Variants in UBA7 observed in about 807,000 individuals in gnomAD.
The protein encoded by UBA7 is ubiquitin-like modifier-activating enzyme 7.
A neutral mutation model predicts 113.0 loss-of-function variants in UBA7; 88 were observed. That is an observed-to-expected ratio of 0.78 (90% CI 0.66 to 0.93). UBA7 has a LOEUF of 0.93. Among genes scored for constraint, UBA7 ranks in the 40% least tolerant of loss-of-function variants. The pLI is 0.00. For synonymous variants in UBA7, 459 were observed against 513.0 expected, an observed-to-expected ratio of 0.89 and a Z score of 1.42; for missense variants, 1,092 against 1,266.4, an observed-to-expected ratio of 0.86 and a Z score of 2.09.
At chr3:49,808,544 T>C in intron 18 of UBA7, 76 bp from the exon 19 acceptor site, 2 of 1,496,614 alleles carry the variant, frequency 1.3e-6, no homozygotes, top group East Asian at 2.3e-5. Flanking sequence ...GTGCCTATTC[T>C]TGGTCTTTGC....
chr3:49,807,678 G>A lies in UBA7; in HGVS notation c.2715+58C>T, dbSNP rs1456196062. ...GGCAGCTAGATTGGGGCCTGTATGG[G>A]CAGGTGCAGGGGAAACCCAGGCCTA... On this transcript the variant is annotated intron_variant, in intron 21 of 23. Coordinates refer to ENST00000333486, the MANE Select transcript of UBA7 (RefSeq NM_003335.3). The surrounding 1 kb of genome is among the most constrained non-coding windows in gnomAD (Gnocchi z 4.0). 1 of 1,536,008 alleles carries A rather than the reference G, an allele frequency of 6.5e-7. No individual in the cohort carries two copies. Among genetic ancestry groups the A allele is most frequent in the African/African-American group, 1.4e-5 (1 of 72,752 alleles).
Position 49,813,277 on chromosome 3 carries a change from A to C in UBA7, c.332T>G (p.Ile111Ser). The C allele has an allele frequency of 6.2e-7, 1 of 1,614,128 alleles. No individual in the cohort carries two copies. The highest frequency in any genetic ancestry group is 8.5e-7 in the Non-Finnish European group (1 of 1,180,024). Reference protein sequence around the residue: ...AVQVVVHTGDITEDLLLDFQV... With the variant: ...AVQVVVHTGDSTEDLLLDFQV... ...GAAGTCCAACAGCAGGTCCTCAGTG[A>C]TGTCACCCGTGTGCACGACGACCTG... The change falls in exon 3 of 24, where the codon ATC becomes AGC. Residue 111 changes from isoleucine to serine, a missense_variant. By Grantham distance (142) the Ile-to-Ser change is moderately radical. Coordinates refer to ENST00000333486, the MANE Select transcript of UBA7 (RefSeq NM_003335.3).
rs548711530 is a variant in UBA7 at position 49,806,172 on chromosome 3, T to C, written c.2716-7A>G. The C allele has an allele frequency of 1.9e-6, 3 of 1,589,066 alleles. No individual in the cohort carries two copies. The highest frequency in any genetic ancestry group is 1.8e-5 in the Admixed American group (1 of 56,020). ...TCCACTTCAGGTGATGGAACTGGGA[T>C]GAGGTAGAGGAGGAGTCAGAGACTT... On this transcript the variant is annotated splice_region_variant and splice_polypyrimidine_tract_variant and intron_variant, in intron 21 of 23. Coordinates refer to ENST00000333486, the MANE Select transcript of UBA7 (RefSeq NM_003335.3).
chr3:49,806,524 G>A (rs1324662947), intron 21 of UBA7, among the ~76,000 whole-genome samples: 1 of 152,092 alleles, frequency 6.6e-6, no homozygotes, highest in Non-Finnish European at 1.5e-5. Context: ...GAGCTGGGGG[G>A]CACATCCTGT....
At position 49,807,389 on chromosome 3, in the gene UBA7, CTT is replaced by C. The variant is rs916225318; in HGVS notation, c.2715+345_2715+346del. Among the ~76,000 whole-genome samples the C allele has an allele frequency of 1.3e-5, 2 of 152,198 alleles. No homozygotes were observed. Among genetic ancestry groups the C allele is most frequent in the Non-Finnish European group, 2.9e-5 (2 of 68,020 alleles). The stretch of plus-strand genomic sequence containing the variant: ...GTACCATGCAGGGGGAAGCTAGACT[CTT>C]TCTGGGGCTGATGCCCTGGTCCCCT... On this transcript the variant is annotated intron_variant, in intron 21 of 23. Transcript: ENST00000333486. This position sits in a 1 kb window ranked among gnomAD's most constrained non-coding sequence, Gnocchi z 4.0.
At chr3:49,813,439 C>G in intron 2 of UBA7, 40 bp downstream of exon 2, 4 of 1,608,908 alleles carry the variant, frequency 2.5e-6, no homozygotes, top group South Asian at 2.2e-5. Flanking sequence ...GCCGTGCCCC[C>G]ACCTTGGTCT....
rs763436628 is a variant in UBA7 at position 49,808,416 on chromosome 3, GC to G, written c.2399del (p.Gly800AlafsTer4). On this transcript the variant is annotated frameshift_variant, in exon 19 of 24. Transcript: ENST00000333486. LOFTEE classifies it high-confidence loss of function. ...CAAACATCAGAGGCTTCAGGGGAGG[GC>G]CCACACTCCAGACTTCCAGGGCTTT... Reference protein sequence around the residue: ...LNKALEVWSVGPPLKPLMFEK... With the variant: ...LNKALEVWSVXPPLKPLMFEK... The G allele has an allele frequency of 7.1e-5, 114 of 1,614,054 alleles. No homozygotes were observed. The highest frequency in any genetic ancestry group is 9.7e-5 in the Non-Finnish European group (114 of 1,180,028).
chr3:49,812,352 T>C (rs2081562933), intron 6 of UBA7, 56 bp downstream of exon 6: 1 of 1,612,312 alleles, frequency 6.2e-7, no homozygotes. Context: ...CAGGCTGTGC[T>C]CACTTCCAGT....
chr3:49,813,564 A>ACCT lies in UBA7; in HGVS notation c.137_139dup (p.Glu46dup). 6.2e-7 allele frequency: 1 copy of ACCT among 1,613,910 alleles called. No homozygotes were observed. Among genetic ancestry groups the ACCT allele is most frequent in the Non-Finnish European group, 8.5e-7 (1 of 1,180,016 alleles). The stretch of plus-strand genomic sequence containing the variant: ...ACCCATCAGAACCAAGTTCTTGGCC[A>ACCT]CCTCGGCCCCCAGGCCCTGCAGGCC... On this transcript the variant is annotated inframe_insertion, in exon 2 of 24. Coordinates refer to ENST00000333486, the MANE Select transcript of UBA7 (RefSeq NM_003335.3).
At position 49,813,803 on chromosome 3, in the gene UBA7, T is replaced by A. The variant is rs754603454; in HGVS notation, c.-16A>T. The A allele has an allele frequency of 1.2e-6, 2 of 1,614,118 alleles. No individual in the cohort carries two copies. The highest frequency in any genetic ancestry group is 1.7e-6 in the Non-Finnish European group (2 of 1,179,988). On this transcript the variant is annotated 5_prime_UTR_variant, in exon 1 of 24. Transcript: ENST00000333486. ...GGGCATCCATCCTCAAACCTGGGGC[T>A]GAACAGTAGGCTGCAGCGCTCAGAG...
chr3:49,812,812 C>T (rs1200207508), intron 4 of UBA7, 74 bp from the exon 5 acceptor site: 2 of 1,510,542 alleles, frequency 1.3e-6, no homozygotes, highest in African/African-American at 2.8e-5. Context: ...TAGGGCAGGG[C>T]CAGAGGGCCA....
intron 23 of UBA7, 64 bp from the exon 24 acceptor site, chr3:49,805,501 C>A: frequency 6.6e-7 from 1 of 1,513,396 alleles, no homozygotes; most frequent in South Asian, 1.1e-5. Context: ...GGCAGCCTGG[C>A]ATGGACTAGA....
In UBA7 at chr3:49,809,864, A is replaced by G; in HGVS notation, c.1855T>C (p.Phe619Leu). 6.2e-7 allele frequency: 1 copy of G among 1,614,010 alleles called. No homozygotes were observed. The highest frequency in any genetic ancestry group is 8.5e-7 in the Non-Finnish European group (1 of 1,179,982). ...EHTLQWARHE[F>L]EELFRLSAET... ...GCAGACAGTCGGAAGAGTTCTTCAA[A>G]CTCATGCCGGGCCCACTGTGGAGGA... is the stretch of plus-strand genomic sequence containing the variant. The change falls in exon 15 of 24, where the codon TTT becomes CTT. Residue 619 changes from phenylalanine to leucine, a missense_variant. Phe to Leu is a conservative substitution (Grantham distance 22). Around this residue, in one of 3 missense-constraint regions of UBA7, gnomAD observed 500 missense variants for 529.3 expected, o/e 0.94. Coordinates refer to ENST00000333486, the MANE Select transcript of UBA7 (RefSeq NM_003335.3).
chr3:49,809,741 G>C lies in UBA7; in HGVS notation c.1905-16C>G. On this transcript the variant is annotated splice_polypyrimidine_tract_variant and intron_variant, in intron 15 of 23. Coordinates refer to ENST00000333486, the MANE Select transcript of UBA7 (RefSeq NM_003335.3). ...AGTGTGTGCCCTGCAGAGAGAGGAG[G>C]AAGTGTGAGACTGAGTCCTGCAGAC... 1 of 1,614,112 alleles carries C rather than the reference G, an allele frequency of 6.2e-7. No individual in the cohort carries two copies. The highest frequency in any genetic ancestry group is 8.5e-7 in the Non-Finnish European group (1 of 1,180,026).
chr3:49,805,276 C>T lies in UBA7; in HGVS notation c.*32G>A, dbSNP rs1298728360. ...AATGCAGGGCTTGGGATCCGGGGCT[C>T]CATTGAGCTAGGTGACAGGGTGGCT... On this transcript the variant is annotated 3_prime_UTR_variant, in exon 24 of 24. Transcript: ENST00000333486. 6.2e-7 allele frequency: 1 copy of T among 1,602,316 alleles called. No individual in the cohort carries two copies. The highest frequency in any genetic ancestry group is 8.5e-7 in the Non-Finnish European group (1 of 1,170,518).
intron 19 of UBA7, 121 bp downstream of exon 19, chr3:49,808,265 G>C: frequency 6.6e-7 from 1 of 1,509,322 alleles, no homozygotes; most frequent in Non-Finnish European, 9.2e-7. Flanking sequence ...GGGAATGTGA[G>C]CTGCTTCCAG....
chr3:49,809,758 C>A (rs766684691), intron 15 of UBA7, 33 bp from the exon 16 acceptor site: 1 of 1,614,066 alleles, frequency 6.2e-7, no homozygotes, highest in South Asian at 1.1e-5. Context: ...GAGACTGAGT[C>A]CTGCAGACTC....
chr3:49,813,212 C>CCCTTCCTG (rs1363603101), intron 3 of UBA7, 37 bp downstream of exon 3: 2 of 1,613,368 alleles, frequency 1.2e-6, no homozygotes, highest in Non-Finnish European at 1.7e-6. Context: ...CATTGCCCAG[C>CCCTTCCTG]CCTTCCTGCT....
In UBA7 at chr3:49,813,352, C is replaced by T. The variant is rs1163140357; in HGVS notation, c.257G>A (p.Ser86Asn). The change falls in exon 3 of 24, where the codon AGC (serine) becomes AAC (asparagine). Residue 86 changes from serine (S) to asparagine (N), a missense_variant. By Grantham distance (46) the Ser-to-Asn change is conservative (BLOSUM62 1). This residue lies in a region of UBA7 where 584 missense variants were observed against 714.5 expected (regional missense o/e 0.82). Transcript: ENST00000333486. The stretch of plus-strand genomic sequence containing the variant: ...GAGCTCTTGAGAGGCCTCGGCTCTG[C>T]TCCTTTCCAAGTCCTGCTCTGAGAG... ...FLLSEQDLER[S>N]RAEASQELLA... 4.3e-6 allele frequency: 7 copies of T among 1,614,138 alleles called. No homozygotes were observed. The highest frequency in any genetic ancestry group is 1.7e-5 in the Admixed American group (1 of 60,020).
Sources: allele counts gnomAD v4.1 joint callset (sites outside exome capture counted in the v4.1 genomes callset), GRCh38; gene constraint gnomAD v4.1.1; regional missense constraint gnomAD v4.1.1; non-coding constraint Gnocchi (gnomAD v3.1); transcripts MANE v1.5; gene names NCBI Gene and HGNC (gene_info 2026-07-23, HGNC 2026-07-21).